The following ARHGAP26 variants were observed in gnomAD, a reference collection of about 807,000 sequenced individuals.
ARHGAP26 encodes the protein Rho GTPase activating protein 26.
ARHGAP26 carries 38 observed loss-of-function variants against 104.8 expected under a neutral mutation model. That is an observed-to-expected ratio of 0.36 (90% CI 0.28 to 0.48). The LOEUF is 0.48. Ranked by LOEUF, ARHGAP26 falls within the 20% of genes least tolerant of loss-of-function variation. ARHGAP26 has a pLI of 0.99. For synonymous variants in ARHGAP26, 341 were observed against 340.0 expected (o/e 1.00, Z -0.03); for missense variants, 704 against 947.9 (o/e 0.74, Z 3.38).
rs562296957 is a variant in ARHGAP26 at position 142,873,611 on chromosome 5, C to G, written c.250+116C>G. The G allele has an allele frequency of 3.3e-5, 22 of 662,604 alleles. No homozygotes were observed. The African/African-American group carries it at 4.2e-4, about 13-fold the overall frequency. 41.0% of individuals were successfully genotyped at this position (662,604 alleles called of 1,614,324 possible). On this transcript the variant is annotated intron_variant, in intron 2 of 22. Coordinates refer to ENST00000645722, the MANE Select transcript of ARHGAP26 (RefSeq NM_001135608.3). ...CTCTAAGGTTAGTAAACAAAGAAGT[C>G]CTTAGTGGAAGTGGAGGGCCAGAGA...
intron 21 of ARHGAP26, 109 bp from the exon 22 acceptor site, chr5:143,213,888 C>A (rs996134820): frequency 2.6e-5 from 16 of 625,730 alleles, no homozygotes; most frequent in Non-Finnish European, 3.5e-5. Context: ...GCACTTCCCA[C>A]GAGAGGGGAC....
chr5:143,123,980 C>T (rs1044929021), intron 18 of ARHGAP26, among the ~76,000 whole-genome samples: 4 of 152,216 alleles, frequency 2.6e-5, no homozygotes, highest in African/African-American at 9.7e-5. Context: ...CACACACACA[C>T]ACAAACACAC....
chr5:143,100,805 T>G (rs1345244801), intron 17 of ARHGAP26, among the ~76,000 whole-genome samples: 2 of 152,178 alleles, frequency 1.3e-5, no homozygotes, highest in African/African-American at 4.8e-5. Context: ...TGGACTCAAA[T>G]AGAGGCCATG....
chr5:143,011,528 T>C (rs1404282129), intron 11 of ARHGAP26, among the ~76,000 whole-genome samples: 1 of 152,148 alleles, frequency 6.6e-6, no homozygotes, highest in Non-Finnish European at 1.5e-5. Context: ...GTAAACGAAT[T>C]GCAAGCAACA....
chr5:143,051,970 TG>T (rs1785104739), intron 14 of ARHGAP26, among the ~76,000 whole-genome samples: 1 of 152,122 alleles, frequency 6.6e-6, no homozygotes, highest in African/African-American at 2.4e-5. Flanking sequence ...TGTCTTAGGA[TG>T]GGGAGGGAAA....
chr5:142,780,579 T>C (rs573979533), intron 1 of ARHGAP26, among the ~76,000 whole-genome samples: 1 of 152,364 alleles, frequency 6.6e-6, no homozygotes, highest in Admixed American at 6.5e-5. Flanking sequence ...GTGTGTATTG[T>C]TAATTCTGGG....
intron 21 of ARHGAP26, among the ~76,000 whole-genome samples, chr5:143,209,653 C>T (rs569425223): frequency 7.7e-4 from 117 of 152,026 alleles, no homozygotes; most frequent in African/African-American, 2.7e-3. Context: ...TGGTGGTGGG[C>T]GCCTGTAATC....
intron 20 of ARHGAP26, among the ~76,000 whole-genome samples, chr5:143,176,921 G>GGC (rs1392764251): frequency 1.3e-5 from 2 of 152,230 alleles, no homozygotes; most frequent in African/African-American, 4.8e-5. Context: ...AAGGAGCCAT[G>GGC]TAAAGTATAT....
At chr5:143,096,407 T>A (rs1224733115) in intron 17 of ARHGAP26, among the ~76,000 whole-genome samples, 1 of 152,218 alleles carries the variant, frequency 6.6e-6, no homozygotes, top group East Asian at 1.9e-4. Flanking sequence ...AAGTAGACAC[T>A]CACTTGGTTC....
intron 20 of ARHGAP26, among the ~76,000 whole-genome samples, chr5:143,148,619 C>T (rs1471344474): frequency 6.6e-6 from 1 of 152,156 alleles, no homozygotes; most frequent in African/African-American, 2.4e-5. Context: ...AAGAAGTGGA[C>T]CAGTGCCTCA....
At chr5:143,071,678 C>T (rs112803309) in intron 17 of ARHGAP26, among the ~76,000 whole-genome samples, 214 of 152,118 alleles carry the variant, frequency 1.4e-3, no homozygotes, top group African/African-American at 4.9e-3. Context: ...GAGGCTGAGG[C>T]GGGCAGATTG....
chr5:142,773,497 A>G (rs1477295858), intron 1 of ARHGAP26, among the ~76,000 whole-genome samples: 1 of 152,202 alleles, frequency 6.6e-6, no homozygotes, highest in Non-Finnish European at 1.5e-5. Flanking sequence ...CACTTTATGA[A>G]TGAGATGCTG....
chr5:143,194,685 A>G (rs892193480), intron 20 of ARHGAP26, among the ~76,000 whole-genome samples: 3 of 152,224 alleles, frequency 2.0e-5, no homozygotes, highest in Non-Finnish European at 2.9e-5. Flanking sequence ...GAGAATATAA[A>G]AATGATTTTC....
At chr5:142,899,500 C>T (rs891775901) in intron 6 of ARHGAP26, among the ~76,000 whole-genome samples, 4 of 152,320 alleles carry the variant, frequency 2.6e-5, no homozygotes, top group Middle Eastern at 3.4e-3. Flanking sequence ...CTATGTCAGG[C>T]TGTGATGTTG....
chr5:142,936,676 C>T lies in ARHGAP26; in HGVS notation c.1107+4551C>T, dbSNP rs72799076. On this transcript the variant is annotated intron_variant, in intron 11 of 22. Coordinates refer to ENST00000645722, the MANE Select transcript of ARHGAP26 (RefSeq NM_001135608.3). ...TGTGGTATTGACAGAGGGATAGACACGTAGATCAATGGAACAGAATAAAGA... is the reference window on the plus strand; with the variant it reads ...TGTGGTATTGACAGAGGGATAGACATGTAGATCAATGGAACAGAATAAAGA... 5.2e-3 allele frequency among the ~76,000 whole-genome samples: 795 copies of T among 152,106 alleles called. 7 individuals are homozygous for T. Among genetic ancestry groups the T allele is most frequent in the Non-Finnish European group, 6.2e-3 (421 of 67,968 alleles).
chr5:142,985,063 A>G (rs961267925), intron 11 of ARHGAP26, among the ~76,000 whole-genome samples: 1 of 152,156 alleles, frequency 6.6e-6, no homozygotes, highest in Non-Finnish European at 1.5e-5. Flanking sequence ...GAGGTGGAAG[A>G]CAGTGATGTG....
At chr5:143,168,144 C>T (rs1406532666) in intron 20 of ARHGAP26, among the ~76,000 whole-genome samples, 1 of 152,170 alleles carries the variant, frequency 6.6e-6, no homozygotes, top group African/African-American at 2.4e-5. Flanking sequence ...GGAAAAGGCT[C>T]AGAGGCAAGA....
chr5:143,043,817 A>G (rs530652281), intron 14 of ARHGAP26, among the ~76,000 whole-genome samples: 14 of 152,350 alleles, frequency 9.2e-5, no homozygotes, highest in Middle Eastern at 3.4e-3. Context: ...AATGTAAAGT[A>G]TGATATTCAT....
At chr5:142,795,660 T>G (rs1760838038) in intron 1 of ARHGAP26, among the ~76,000 whole-genome samples, 1 of 152,224 alleles carries the variant, frequency 6.6e-6, no homozygotes, top group Non-Finnish European at 1.5e-5. Flanking sequence ...ACATTACAAT[T>G]TATCGCCTAT....
Sources: allele counts gnomAD v4.1 joint callset (sites outside exome capture counted in the v4.1 genomes callset), GRCh38; gene constraint gnomAD v4.1.1; transcripts MANE v1.5; gene names NCBI Gene and HGNC (gene_info 2026-07-23, HGNC 2026-07-21).